CDKL1: variants seen among roughly 807,000 people sequenced by gnomAD.
The protein encoded by CDKL1 is cyclin dependent kinase like 1, also known as cyclin-dependent kinase-like 1.
Under a neutral mutation model 42.0 loss-of-function variants are expected in CDKL1, and 41 were observed. That is an observed-to-expected ratio of 0.98 (90% CI 0.76 to 1.27). The LOEUF is 1.27. CDKL1 is among the 50% of genes most tolerant of loss of function. The probability of loss-of-function intolerance (pLI) is 0.00; values close to 1 mark genes in which losing one functional copy is unlikely to be tolerated. For missense variants in CDKL1, 394 were observed against 428.4 expected (o/e 0.92, Z 0.71); for synonymous variants, 153 against 158.6 (o/e 0.96, Z 0.26).
At chr14:50,335,689 G>A (rs2033231203) in intron 7 of CDKL1, 1 of 1,480,088 alleles carries the variant, frequency 6.8e-7, no homozygotes, top group Admixed American at 2.2e-5. Flanking sequence ...CAAAATAAGT[G>A]ACTGCAGTGC....
In CDKL1 at chr14:50,395,860, C is replaced by T; in HGVS notation, c.9G>A (p.Lys3=). The change falls in exon 2 of 10, where the codon AAG becomes AAA. Residue 3 remains lysine, a synonymous_variant. Transcript: ENST00000395834. The part of the protein sequence containing the change: ME[K]YEKIGKIGEG... ...CTCCAATTTTCCCAATTTTTTCATA[C>T]TTCTCCATCATAGAGGAATAAATCT... The T allele has an allele frequency of 6.2e-7, 1 of 1,612,184 alleles. No individual in the cohort carries two copies. The highest frequency in any genetic ancestry group is 8.5e-7 in the Non-Finnish European group (1 of 1,178,332).
intron 2 of CDKL1, chr14:50,363,854 C>T (rs1015051723): frequency 2.6e-5 from 4 of 152,378 alleles, no homozygotes; most frequent in African/African-American, 9.6e-5. Context: ...CCTCTCCAGC[C>T]CCAACACTTA....
intron 2 of CDKL1, among the ~76,000 whole-genome samples, chr14:50,393,588 CT>C (rs1286372345): frequency 6.6e-6 from 1 of 152,184 alleles, no homozygotes; most frequent in East Asian, 1.9e-4. Context: ...AAGCCATCCT[CT>C]TGCCTTGGCC....
chr14:50,343,154 A>ATTT (rs1595281795), intron 4 of CDKL1: 13 of 265,310 alleles, frequency 4.9e-5, no homozygotes, highest in African/African-American at 1.5e-4. Flanking sequence ...ATTAAGAGTT[A>ATTT]CTTTTTTTTT....
chr14:50,387,403 A>G (rs2035118687), intron 2 of CDKL1, among the ~76,000 whole-genome samples: 2 of 150,968 alleles, frequency 1.3e-5, no homozygotes, highest in African/African-American at 4.9e-5. Flanking sequence ...GGCACCTGTA[A>G]TCCCAGCTAC....
intron 2 of CDKL1, among the ~76,000 whole-genome samples, chr14:50,369,653 C>G (rs901919371): frequency 1.3e-5 from 2 of 150,936 alleles, no homozygotes; most frequent in Non-Finnish European, 2.9e-5. Context: ...TATAGTTGCT[C>G]TATTGCCCAG....
At position 50,395,975 on chromosome 14, in the gene CDKL1, A is replaced by T; in HGVS notation, c.-107T>A. On this transcript the variant is annotated 5_prime_UTR_variant, in exon 2 of 10. It removes the in-frame stop codon of an upstream open reading frame in the 5' UTR. Coordinates refer to ENST00000395834, the MANE Select transcript of CDKL1 (RefSeq NM_004196.7). The stretch of plus-strand genomic sequence containing the variant: ...TGAGGCGGGCAGATCACCTGAGGTC[A>T]GGAGTTCGAGACCAGTCTGGCCAAC... 5 of 1,109,980 alleles carry T rather than the reference A, an allele frequency of 4.5e-6. No homozygotes were observed. The South Asian group carries it at 5.4e-5, about 12-fold the overall frequency. 68.8% of individuals were successfully genotyped at this position (1,109,980 alleles called of 1,614,324 possible). A position where few individuals can be genotyped will look rare whatever the true frequency, so the allele number is the denominator to read the frequency against.
At chr14:50,357,967 C>T (rs1011271338) in intron 3 of CDKL1, 7 of 1,012,718 alleles carry the variant, frequency 6.9e-6, no homozygotes, top group Non-Finnish European at 8.4e-6. Context: ...CCTACGTTGC[C>T]CTGCCTGAAA....
chr14:50,359,819 C>T (rs1016668356), intron 2 of CDKL1, among the ~76,000 whole-genome samples: 9 of 129,164 alleles, frequency 7.0e-5, no homozygotes, highest in South Asian at 4.8e-4. Context: ...AAAAAAAAGC[C>T]CAGGACTGAA....
Position 50,335,548 on chromosome 14 carries a change from A to G in CDKL1, c.739-927T>C, listed in dbSNP as rs774013601. 2.6e-6 allele frequency: 4 copies of G among 1,535,988 alleles called. No homozygotes were observed. In the South Asian group the frequency reaches 4.8e-5, roughly 18 times the overall value. On this transcript the variant is annotated intron_variant, in intron 7 of 9. Coordinates refer to ENST00000395834, the MANE Select transcript of CDKL1 (RefSeq NM_004196.7). Reference sequence around the variant, plus strand: ...TTGCGCCAGTCACGTGCTGGAGACAATCAGGAATAACACTATAAATGGGAG... The same window carrying G: ...TTGCGCCAGTCACGTGCTGGAGACAGTCAGGAATAACACTATAAATGGGAG...
At chr14:50,388,032 G>C (rs1398161848) in intron 2 of CDKL1, among the ~76,000 whole-genome samples, 1 of 152,116 alleles carries the variant, frequency 6.6e-6, no homozygotes, top group Admixed American at 6.6e-5. Context: ...AAGTAGCTGT[G>C]GTTACAGGTG....
chr14:50,354,895 AT>A (rs1376219410), intron 3 of CDKL1, among the ~76,000 whole-genome samples: 1 of 152,192 alleles, frequency 6.6e-6, no homozygotes, highest in Non-Finnish European at 1.5e-5. Flanking sequence ...ACATTAAAAC[AT>A]TACTATAATA....
intron 2 of CDKL1, among the ~76,000 whole-genome samples, chr14:50,371,954 C>A (rs775325476): frequency 5.9e-5 from 9 of 152,248 alleles, no homozygotes; most frequent in Non-Finnish European, 1.0e-4. Flanking sequence ...CAGGGACATG[C>A]TGACACGCCA....
Position 50,329,440 on chromosome 14 carries a change from A to G in CDKL1, c.*634T>C, listed in dbSNP as rs1167503199. ...AGTGACTAAGGTGTATCCTTTACTGATAAAGTAAGGATGAAATGTGGAAAC... is the reference window on the plus strand; with the variant it reads ...AGTGACTAAGGTGTATCCTTTACTGGTAAAGTAAGGATGAAATGTGGAAAC... On this transcript the variant is annotated 3_prime_UTR_variant, in exon 10 of 10. Transcript: ENST00000395834. 1 of 152,352 alleles carries G rather than the reference A, an allele frequency of 6.6e-6. No homozygotes were observed. The highest frequency in any genetic ancestry group is 1.5e-5 in the Non-Finnish European group (1 of 68,166). 9.4% of individuals were successfully genotyped at this position (152,352 alleles called of 1,614,324 possible).
rs532110642 is a variant in CDKL1 at position 50,391,175 on chromosome 14, T to TC, written c.168+4525dup. Among the ~76,000 whole-genome samples the TC allele has an allele frequency of 1.0e-3, 157 of 152,216 alleles. 3 individuals carry two copies. In the South Asian group the frequency reaches 0.031, roughly 30 times the overall value. The stretch of plus-strand genomic sequence containing the variant: ...ACGTGATTTTCTTCCTGTTACCTTG[T>TC]CTTTCTCTGTAATCTGACTTCTGTT... On this transcript the variant is annotated intron_variant, in intron 2 of 9. Transcript: ENST00000395834.
At chr14:50,358,764 C>T (rs528532388) in intron 3 of CDKL1, among the ~76,000 whole-genome samples, 9 of 151,074 alleles carry the variant, frequency 6.0e-5, no homozygotes, top group East Asian at 5.8e-4. Context: ...CTCAGCCTCC[C>T]GACTGGCTGA....
chr14:50,347,365 C>T (rs1288768780), intron 3 of CDKL1, among the ~76,000 whole-genome samples: 4 of 152,086 alleles, frequency 2.6e-5, no homozygotes, highest in Admixed American at 6.5e-5. Flanking sequence ...AGAGAGACAG[C>T]GTGAGAGTGC....
At chr14:50,386,289 A>G (rs1277018655) in intron 2 of CDKL1, among the ~76,000 whole-genome samples, 1 of 151,902 alleles carries the variant, frequency 6.6e-6, no homozygotes, top group Non-Finnish European at 1.5e-5. Flanking sequence ...TAAATTAGTC[A>G]GGCACTATGG....
Position 50,396,165 on chromosome 14 carries a change from G to T in CDKL1, c.-297C>A, listed in dbSNP as rs2035396044. The T allele has an allele frequency of 2.1e-6, 2 of 972,372 alleles. No individual in the cohort carries two copies. The highest frequency in any genetic ancestry group is 2.4e-6 in the Non-Finnish European group (2 of 834,614). The allele number at this position is 972,372 out of a possible 1,614,324, so 60.2% of individuals were successfully genotyped here. A position where few individuals can be genotyped will look rare whatever the true frequency, so the allele number is the denominator to read the frequency against. On this transcript the variant is annotated 5_prime_UTR_variant, in exon 2 of 10. Coordinates refer to ENST00000395834, the MANE Select transcript of CDKL1 (RefSeq NM_004196.7). ...CGCGCCACTGCACTCCAGCCCGGGC[G>T]ACAGAGCGAGATTCCGTCTCAAAAA...
Sources: gnomAD v4.1 joint callset for allele counts (sites outside exome capture counted in the v4.1 genomes callset) on GRCh38, gnomAD v4.1.1 for gene constraint, MANE v1.5 for transcripts, NCBI Gene and HGNC (gene_info 2026-07-23, HGNC 2026-07-21) for gene names.